Variants in NPY2R observed in about 807,000 individuals in gnomAD.
The protein encoded by NPY2R is neuropeptide Y receptor Y2.
A neutral mutation model predicts 22.3 loss-of-function variants in NPY2R; 17 were observed. The ratio of observed to expected loss-of-function variants is 0.76; its 90% CI spans 0.52 to 1.14. The LOEUF is 1.14. Among genes scored for constraint, NPY2R ranks in the 50% most tolerant of loss-of-function variants. NPY2R has a pLI of 0.00. For missense variants in NPY2R, 424 were observed against 467.9 expected (o/e 0.91, Z 0.87); for synonymous variants, 209 against 183.4 (o/e 1.14, Z -1.13).
At chr4:155,181,340 T>A in the NPY2R span, among the ~76,000 whole-genome samples, 1 of 152,128 alleles carries the variant, frequency 6.6e-6, no homozygotes, top group Non-Finnish European at 1.5e-5. Context: ...AAGCACAGAA[T>A]TTAGGATGTT....
chr4:155,185,975 G>T, the NPY2R span, among the ~76,000 whole-genome samples: 1 of 151,988 alleles, frequency 6.6e-6, no homozygotes, highest in Non-Finnish European at 1.5e-5. Flanking sequence ...AAAGTGACAA[G>T]AGCAACAGTA....
At chr4:155,197,790 C>G in the NPY2R span, among the ~76,000 whole-genome samples, 868 of 151,960 alleles carry the variant, frequency 5.7e-3, 9 homozygotes, top group African/African-American at 0.02. Flanking sequence ...CCCCCCAGGC[C>G]AAAAGAAGCA....
the NPY2R span, among the ~76,000 whole-genome samples, chr4:155,184,376 TA>T: frequency 3.3e-5 from 5 of 152,190 alleles, no homozygotes; most frequent in Non-Finnish European, 5.9e-5. Flanking sequence ...ATCAAGTAAT[TA>T]TTAAACCCAG....
At chr4:155,209,442 C>A (rs1729356272) in intron 1 of NPY2R, among the ~76,000 whole-genome samples, 1 of 152,296 alleles carries the variant, frequency 6.6e-6, no homozygotes, top group Non-Finnish European at 1.5e-5. Flanking sequence ...TAAGCGTTTG[C>A]TCATTTTCCA....
At chr4:155,182,895 C>A in the NPY2R span, among the ~76,000 whole-genome samples, 2 of 152,084 alleles carry the variant, frequency 1.3e-5, no homozygotes, top group Non-Finnish European at 2.9e-5. Context: ...TGGGTTCAAG[C>A]AATTCTTGTG....
chr4:155,197,604 A>T, the NPY2R span, among the ~76,000 whole-genome samples: 31 of 152,152 alleles, frequency 2.0e-4, no homozygotes, highest in African/African-American at 7.5e-4. Context: ...AGCTTTTATT[A>T]AACCCTCTCT....
chr4:155,187,031 G>C, the NPY2R span, among the ~76,000 whole-genome samples: 140 of 152,206 alleles, frequency 9.2e-4, no homozygotes, highest in African/African-American at 3.1e-3. Context: ...GAAGTAATTA[G>C]AACAGAGCTC....
At chr4:155,208,333 G>C (rs1729324720), upstream of NPY2R, 1 of 152,332 alleles carries the variant, frequency 6.6e-6, no homozygotes, top group Non-Finnish European at 1.5e-5. This position sits in a 1 kb window ranked among gnomAD's most constrained non-coding sequence, Gnocchi z 5.6. Context: ...CTCAGCCGCA[G>C]CTGGGTCTGT....
chr4:155,174,804 G>C, the NPY2R span, among the ~76,000 whole-genome samples: 2 of 151,952 alleles, frequency 1.3e-5, no homozygotes, highest in East Asian at 3.9e-4. Flanking sequence ...TAAATTTTCT[G>C]ATATTCAGGC....
the NPY2R span, among the ~76,000 whole-genome samples, chr4:155,182,142 A>G: frequency 1.3e-5 from 2 of 152,158 alleles, no homozygotes; most frequent in South Asian, 2.1e-4. Flanking sequence ...CATCTAAGTT[A>G]TTATCTAAGT....
chr4:155,179,954 C>G, the NPY2R span, among the ~76,000 whole-genome samples: 1 of 151,898 alleles, frequency 6.6e-6, no homozygotes, highest in East Asian at 1.9e-4. Flanking sequence ...GTCTGAGAGA[C>G]AAGTCCTATA....
rs959645007 is a variant in NPY2R at position 155,215,700 on chromosome 4, T to A, written c.*615T>A. The A allele has an allele frequency of 5.9e-6, 1 of 169,108 alleles. No individual in the cohort carries two copies. The highest frequency in any genetic ancestry group is 2.0e-4 in the South Asian group (1 of 4,994). 10.5% of individuals were successfully genotyped at this position (169,108 alleles called of 1,614,324 possible). ...TTTTGGCAGATGATAGGGGAACTCCTCAACACTCAGTGGGCCAATTGTTCT... is the reference window on the plus strand; with the variant it reads ...TTTTGGCAGATGATAGGGGAACTCCACAACACTCAGTGGGCCAATTGTTCT... On this transcript the variant is annotated 3_prime_UTR_variant, in exon 2 of 2. Coordinates refer to ENST00000329476, the MANE Select transcript of NPY2R (RefSeq NM_000910.4).
chr4:155,175,410 A>G, the NPY2R span, among the ~76,000 whole-genome samples: 5 of 152,110 alleles, frequency 3.3e-5, no homozygotes, highest in Non-Finnish European at 5.9e-5. Flanking sequence ...AGAAAGTTCT[A>G]TCTGTACTAT....
At chr4:155,194,340 G>A in the NPY2R span, among the ~76,000 whole-genome samples, 36 of 151,810 alleles carry the variant, frequency 2.4e-4, no homozygotes, top group Non-Finnish European at 4.4e-4. Flanking sequence ...CAATGATTTC[G>A]TCACCCAGGC....
the NPY2R span, among the ~76,000 whole-genome samples, chr4:155,175,557 G>T: frequency 5.3e-5 from 8 of 152,148 alleles, no homozygotes; most frequent in Non-Finnish European, 1.2e-4. Context: ...GTAATTAGCA[G>T]ATTTTAATGT....
rs1487819218 is a variant in NPY2R, at chr4:155,214,980, T to C, written c.1041T>C (p.Asp347=). The change falls in exon 2 of 2, where the codon GAT becomes GAC. Residue 347 remains aspartate (D), a synonymous_variant. Transcript: ENST00000329476. ...LSAFRCEQRL[D]AIHSEVSVTF... The stretch of plus-strand genomic sequence containing the variant: ...CCTTCCGCTGTGAGCAGCGGTTGGA[T>C]GCCATTCACTCTGAGGTGTCCGTGA... The C allele has an allele frequency of 6.2e-7, 1 of 1,614,118 alleles. No individual in the cohort carries two copies. Among genetic ancestry groups the C allele is most frequent in the African/African-American group, 1.3e-5 (1 of 74,942 alleles).
rs2111048667 is a variant in NPY2R at position 155,215,392 on chromosome 4, G to A, written c.*307G>A. 2.2e-6 allele frequency: 1 copy of A among 451,188 alleles called. No individual in the cohort carries two copies. The highest frequency in any genetic ancestry group is 2.1e-5 in the South Asian group (1 of 46,558). The allele number at this position is 451,188 out of a possible 1,614,324, so 27.9% of individuals were successfully genotyped here. On this transcript the variant is annotated 3_prime_UTR_variant, in exon 2 of 2. Transcript: ENST00000329476. ...GTGAAGAAAACTTGAACAAGAAATTGGTATTATCAAAGCATTGCTGAGAGA... is the reference window on the plus strand; with the variant it reads ...GTGAAGAAAACTTGAACAAGAAATTAGTATTATCAAAGCATTGCTGAGAGA...
the NPY2R span, among the ~76,000 whole-genome samples, chr4:155,175,083 A>G: frequency 2.6e-5 from 4 of 152,192 alleles, no homozygotes; most frequent in Non-Finnish European, 5.9e-5. Context: ...TTCTATCATA[A>G]TTTTCCATAG....
the NPY2R span, among the ~76,000 whole-genome samples, chr4:155,180,011 TTG>T: frequency 4.5e-3 from 437 of 96,416 alleles, 2 homozygotes; most frequent in Middle Eastern, 0.049. Context: ...ATATTTTATT[TTG>T]TTTTTTTTTT....
Sources: gnomAD v4.1 joint callset for allele counts (sites outside exome capture counted in the v4.1 genomes callset) on GRCh38, gnomAD v4.1.1 for gene constraint, Gnocchi (gnomAD v3.1) non-coding constraint, MANE v1.5 for transcripts, NCBI Gene and HGNC (gene_info 2026-07-23, HGNC 2026-07-21) for gene names.